GRID2: variants seen among roughly 807,000 people sequenced by gnomAD.
GRID2 encodes glutamate receptor ionotropic, delta-2.
A neutral mutation model predicts 114.8 loss-of-function variants in GRID2; 33 were observed. That is an observed-to-expected ratio of 0.29 (90% CI 0.22 to 0.38). The LOEUF (loss-of-function observed/expected upper bound fraction) is 0.38, where lower values mean the gene tolerates loss of function less well. Ranked by LOEUF, GRID2 falls within the 10% of genes least tolerant of loss-of-function variation. The probability of loss-of-function intolerance (pLI) is 1.00; values close to 1 mark genes in which losing one functional copy is unlikely to be tolerated. For missense variants in GRID2, 1,184 were observed against 1,257.7 expected, an observed-to-expected ratio of 0.94 and a Z score of 0.89; for synonymous variants, 505 against 449.9, an observed-to-expected ratio of 1.12 and a Z score of -1.55.
chr4:93,605,930 C>A (rs1010004904), intron 13 of GRID2, among the ~76,000 whole-genome samples: 2 of 152,108 alleles, frequency 1.3e-5, no homozygotes, highest in South Asian at 4.1e-4. Flanking sequence ...CTAAGCTGAT[C>A]CCAGTTATGA....
At position 93,401,386 on chromosome 4, in the gene GRID2, T is replaced by A. The variant is rs116255549; in HGVS notation, c.1347+5678T>A. ...ATCTCTCTAAAATTAGGATGCATCC[T>A]TCAACTTCTATTTGCAATTGTAATT... On this transcript the variant is annotated intron_variant, in intron 9 of 15. Transcript: ENST00000282020. 7.4e-3 allele frequency among the ~76,000 whole-genome samples: 1,121 copies of A among 152,260 alleles called. 13 individuals are homozygous for A. Among genetic ancestry groups the A allele is most frequent in the African/African-American group, 0.025 (1,052 of 41,560 alleles).
intron 2 of GRID2, among the ~76,000 whole-genome samples, chr4:92,776,341 G>T (rs1019742523): frequency 6.6e-5 from 10 of 152,030 alleles, no homozygotes; most frequent in Admixed American, 6.6e-4. Context: ...AGTCGTATTT[G>T]CTCACTGCTA....
chr4:92,410,835 A>ATTT lies in GRID2; in HGVS notation c.88+106109_88+106111dup, dbSNP rs5860274. On this transcript the variant is annotated intron_variant, in intron 1 of 15. Coordinates refer to ENST00000282020, the MANE Select transcript of GRID2 (RefSeq NM_001510.4). ...ACAACCTAAGTAGGTCTGCAAAAGC[A>ATTT]TTTTTTTTTTTTTTTTTTTTGCAAA... Among the ~76,000 whole-genome samples the ATTT allele has an allele frequency of 7.4e-3, 875 of 117,850 alleles. 20 individuals are homozygous for ATTT. Among genetic ancestry groups the ATTT allele is most frequent in the African/African-American group, 0.024 (755 of 31,044 alleles). The allele number at this position is 117,850 out of a possible 152,430, so 77.3% of individuals were successfully genotyped here.
chr4:92,779,984 G>A (rs779055351), intron 2 of GRID2, among the ~76,000 whole-genome samples: 2 of 141,630 alleles, frequency 1.4e-5, no homozygotes, highest in Non-Finnish European at 3.2e-5. Context: ...AAAACATTTG[G>A]CATTTGCCTC....
At chr4:93,002,336 C>G (rs1303576294) in intron 2 of GRID2, among the ~76,000 whole-genome samples, 1 of 151,502 alleles carries the variant, frequency 6.6e-6, no homozygotes, top group Non-Finnish European at 1.5e-5. Context: ...CCATGATGTT[C>G]TACTGTAATA....
At chr4:92,664,379 A>G (rs1732666430) in intron 2 of GRID2, among the ~76,000 whole-genome samples, 1 of 150,972 alleles carries the variant, frequency 6.6e-6, no homozygotes, top group Non-Finnish European at 1.5e-5. Context: ...TAATTTGTTC[A>G]CTTTCTAGCT....
At chr4:93,187,806 G>C (rs977762263) in intron 4 of GRID2, among the ~76,000 whole-genome samples, 8 of 151,980 alleles carry the variant, frequency 5.3e-5, no homozygotes, top group Admixed American at 2.0e-4. Context: ...AAATAGAAAG[G>C]AAAAAAAGTG....
intron 2 of GRID2, among the ~76,000 whole-genome samples, chr4:92,817,971 TA>T (rs1355878178): frequency 6.6e-6 from 1 of 152,178 alleles, no homozygotes; most frequent in Non-Finnish European, 1.5e-5. Context: ...TGTTTGCCGC[TA>T]AAAACTATGT....
chr4:92,835,604 A>C (rs1742399088), intron 2 of GRID2, among the ~76,000 whole-genome samples: 1 of 152,070 alleles, frequency 6.6e-6, no homozygotes, highest in African/African-American at 2.4e-5. Context: ...GCCTAATGCC[A>C]GACATAAGAA....
chr4:93,701,413 G>A (rs1177476999), intron 14 of GRID2, among the ~76,000 whole-genome samples: 1 of 152,070 alleles, frequency 6.6e-6, no homozygotes, highest in African/African-American at 2.4e-5. Context: ...AATTACTAAA[G>A]TTTTCTAAGC....
At chr4:92,924,014 G>A (rs988417745) in intron 2 of GRID2, among the ~76,000 whole-genome samples, 14 of 152,152 alleles carry the variant, frequency 9.2e-5, no homozygotes, top group Non-Finnish European at 1.9e-4. Context: ...GTCCAACAAT[G>A]ATAGACTGGA....
chr4:93,062,010 A>T (rs1449897531), intron 2 of GRID2, among the ~76,000 whole-genome samples: 1 of 152,152 alleles, frequency 6.6e-6, no homozygotes, highest in East Asian at 1.9e-4. Flanking sequence ...TGGCTCAGCT[A>T]GGTAATACAT....
intron 1 of GRID2, among the ~76,000 whole-genome samples, chr4:92,353,212 G>T (rs1728155661): frequency 6.7e-6 from 1 of 149,472 alleles, no homozygotes; most frequent in African/African-American, 2.5e-5. Context: ...GTTTTGTTTT[G>T]TTCATACATA....
intron 1 of GRID2, among the ~76,000 whole-genome samples, chr4:92,543,820 G>C (rs1726101594): frequency 1.3e-5 from 2 of 152,112 alleles, no homozygotes; most frequent in Admixed American, 1.3e-4. Context: ...ATTCATTGTG[G>C]GAATGGTAGC....
intron 8 of GRID2, among the ~76,000 whole-genome samples, chr4:93,257,912 T>G (rs1749771783): frequency 6.6e-6 from 1 of 150,710 alleles, no homozygotes; most frequent in African/African-American, 2.4e-5. Flanking sequence ...AAATATTTTA[T>G]TTTTATAGAA....
chr4:93,012,850 T>C (rs1722320395), intron 2 of GRID2, among the ~76,000 whole-genome samples: 1 of 152,152 alleles, frequency 6.6e-6, no homozygotes, highest in Non-Finnish European at 1.5e-5. Flanking sequence ...TGAGCCAGAT[T>C]ATACATATGC....
intron 1 of GRID2, among the ~76,000 whole-genome samples, chr4:92,330,690 T>G (rs1486242505): frequency 6.6e-6 from 1 of 152,036 alleles, no homozygotes; most frequent in Non-Finnish European, 1.5e-5. Context: ...TGACTTTATA[T>G]TATTTCTTTT....
chr4:92,695,044 G>C (rs2149296246), intron 2 of GRID2, among the ~76,000 whole-genome samples: 1 of 152,180 alleles, frequency 6.6e-6, no homozygotes, highest in African/African-American at 2.4e-5. Flanking sequence ...TCGGCTCACT[G>C]CAACCCCTAC....
intron 2 of GRID2, among the ~76,000 whole-genome samples, chr4:92,652,447 T>G (rs1019612252): frequency 6.6e-6 from 1 of 151,400 alleles, no homozygotes; most frequent in African/African-American, 2.4e-5. Context: ...GGAGGATAAG[T>G]CAGGAGGAAT....
Sources: gnomAD v4.1 joint callset for allele counts (sites outside exome capture counted in the v4.1 genomes callset) on GRCh38, gnomAD v4.1.1 for gene constraint, MANE v1.5 for transcripts, NCBI Gene and HGNC (gene_info 2026-07-23, HGNC 2026-07-21) for gene names.